Variants in PPP2R2C observed in about 807,000 individuals in gnomAD.
The protein encoded by PPP2R2C is protein phosphatase 2 regulatory subunit Bgamma, also known as protein phosphatase 2, regulatory subunit B, gamma.
In PPP2R2C, 10 loss-of-function variants were observed where a neutral mutation model predicts 45.3. The ratio of observed to expected loss-of-function variants is 0.22; its 90% CI spans 0.14 to 0.37. The LOEUF (loss-of-function observed/expected upper bound fraction) is 0.37. PPP2R2C is among the 10% of genes least tolerant of loss of function. The pLI is 1.00. For missense variants in PPP2R2C, 308 were observed against 619.7 expected, an observed-to-expected ratio of 0.50 and a Z score of 5.34; for synonymous variants, 257 against 245.4, an observed-to-expected ratio of 1.05 and a Z score of -0.44.
chr4:6,411,402 G>A (rs1182162880), intron 1 of PPP2R2C, among the ~76,000 whole-genome samples: 1 of 152,118 alleles, frequency 6.6e-6, no homozygotes, highest in African/African-American at 2.4e-5. Context: ...CACACAGCAG[G>A]AGCAGCAGGA....
intron 1 of PPP2R2C, among the ~76,000 whole-genome samples, chr4:6,448,055 G>A (rs548136418): frequency 4.6e-5 from 7 of 152,114 alleles, no homozygotes; most frequent in East Asian, 1.9e-4. Flanking sequence ...CACTACGACC[G>A]GGGGATGCAC....
intron 5 of PPP2R2C, among the ~76,000 whole-genome samples, chr4:6,367,134 C>A (rs1162052950): frequency 6.6e-6 from 1 of 152,026 alleles, no homozygotes; most frequent in Non-Finnish European, 1.5e-5. Flanking sequence ...CTCAGTATCA[C>A]CAGGCTCCCT....
At chr4:6,492,660 C>T (rs1231300796) in intron 2 of PPP2R2C, among the ~76,000 whole-genome samples, 4 of 152,202 alleles carry the variant, frequency 2.6e-5, no homozygotes, top group Non-Finnish European at 4.4e-5. Context: ...AGCAGGGACT[C>T]GAATGATGTG....
chr4:6,370,930 C>A (rs1264924773), intron 5 of PPP2R2C, among the ~76,000 whole-genome samples: 8 of 152,218 alleles, frequency 5.3e-5, no homozygotes, highest in Admixed American at 5.2e-4. Context: ...AGGTCCCAAT[C>A]CTTCCTGGAA....
In PPP2R2C at chr4:6,437,814, T is replaced by C. The variant is rs112631001; in HGVS notation, c.70+34346A>G. Among the ~76,000 whole-genome samples the C allele has an allele frequency of 5.3e-5, 8 of 152,352 alleles. 1 individual carries two copies. Among genetic ancestry groups the C allele is most frequent in the African/African-American group, 1.9e-4 (8 of 41,568 alleles). On this transcript the variant is annotated intron_variant, in intron 1 of 8. Transcript: ENST00000382599. ...CCACTGTGTGTTCTTTCAGACCTAA[T>C]CTCATTCAATCCTCAACACCCCTGT... is the stretch of plus-strand genomic sequence containing the variant.
intron 1 of PPP2R2C, among the ~76,000 whole-genome samples, chr4:6,386,001 T>C (rs1304262115): frequency 1.3e-5 from 2 of 152,174 alleles, no homozygotes; most frequent in African/African-American, 4.8e-5. Flanking sequence ...CCACATTAAC[T>C]CACATTTCTT....
intron 1 of PPP2R2C, chr4:6,381,524 A>G (rs778004279): frequency 7.2e-7 from 1 of 1,392,720 alleles, no homozygotes; most frequent in Non-Finnish European, 9.3e-7. Flanking sequence ...ATCTCCATAG[A>G]TAAGCGCAAG....
chr4:6,486,362 C>A (rs1320919630), intron 2 of PPP2R2C, among the ~76,000 whole-genome samples: 1 of 151,990 alleles, frequency 6.6e-6, no homozygotes, highest in African/African-American at 2.4e-5. Context: ...TGTTGGGTAG[C>A]ATGTTCTACA....
intron 6 of PPP2R2C, among the ~76,000 whole-genome samples, chr4:6,337,110 G>GTATATATATA (rs1207923428): frequency 8.0e-4 from 33 of 41,454 alleles, no homozygotes; most frequent in Non-Finnish European, 1.1e-3. Context: ...GTATGTGTGT[G>GTATATATATA]TGTATATATA....
chr4:6,371,896 C>T (rs1714856526), intron 5 of PPP2R2C, among the ~76,000 whole-genome samples: 1 of 152,218 alleles, frequency 6.6e-6, no homozygotes, highest in East Asian at 1.9e-4. Context: ...CGCCCACCAG[C>T]CCCCCGGCAG....
At chr4:6,353,255 C>T (rs1031069063) in intron 5 of PPP2R2C, among the ~76,000 whole-genome samples, 1 of 150,920 alleles carries the variant, frequency 6.6e-6, no homozygotes, top group Non-Finnish European at 1.5e-5. Context: ...GGGCAGCCAC[C>T]GACAGCCCCC....
At chr4:6,554,851 C>T (rs1371991947) in intron 1 of PPP2R2C, among the ~76,000 whole-genome samples, 1 of 121,724 alleles carries the variant, frequency 8.2e-6, no homozygotes, top group Non-Finnish European at 1.6e-5. Flanking sequence ...CAGAGTGAGA[C>T]TCCATCTCAA....
intron 1 of PPP2R2C, chr4:6,383,315 G>A (rs1380624840): frequency 7.8e-7 from 1 of 1,282,236 alleles, no homozygotes; most frequent in Admixed American, 2.3e-5. Flanking sequence ...GCCAAGCCCA[G>A]ACCACAGAAT....
intron 6 of PPP2R2C, among the ~76,000 whole-genome samples, chr4:6,335,800 G>A (rs961043534): frequency 2.6e-5 from 4 of 152,126 alleles, no homozygotes; most frequent in Non-Finnish European, 5.9e-5. Flanking sequence ...CCACGTTTAT[G>A]TTCATGCCTC....
rs201330999 is a variant in PPP2R2C, at chr4:6,321,645, T to TAA, written c.*1655_*1656dup. 1 of 141,618 alleles carries TAA rather than the reference T, an allele frequency of 7.1e-6. No homozygotes were observed. The highest frequency in any genetic ancestry group is 2.6e-5 in the African/African-American group (1 of 37,950). 8.8% of individuals were successfully genotyped at this position (141,618 alleles called of 1,614,324 possible). On this transcript the variant is annotated 3_prime_UTR_variant, in exon 9 of 9. Transcript: ENST00000382599. ...GTTTCCTGGGTTATGTTATATCTTG[T>TAA]AAAAAACAAAACAAAACAAAACCAA...
At chr4:6,410,374 C>T (rs1217371029) in intron 1 of PPP2R2C, among the ~76,000 whole-genome samples, 4 of 152,270 alleles carry the variant, frequency 2.6e-5, no homozygotes, top group East Asian at 1.9e-4. Flanking sequence ...ACTCTCGACC[C>T]CTGACTCGGG....
chr4:6,512,237 TGGG>T (rs1560595151), intron 2 of PPP2R2C, among the ~76,000 whole-genome samples: 2 of 92,740 alleles, frequency 2.2e-5, no homozygotes, highest in Non-Finnish European at 2.3e-5. Context: ...GTGGTGATGG[TGGG>T]GGTGGTGGTG....
At chr4:6,545,645 A>G (rs1724954982) in intron 1 of PPP2R2C, among the ~76,000 whole-genome samples, 1 of 152,204 alleles carries the variant, frequency 6.6e-6, no homozygotes, top group African/African-American at 2.4e-5. Context: ...CCTCTCTGAC[A>G]TCAGTTTCTC....
intron 2 of PPP2R2C, among the ~76,000 whole-genome samples, chr4:6,379,631 G>A (rs1473551690): frequency 1.3e-5 from 2 of 152,240 alleles, no homozygotes; most frequent in Non-Finnish European, 2.9e-5. Context: ...AGAAGGCTGA[G>A]CTTCGCAGTG....
Sources: allele counts gnomAD v4.1 joint callset (sites outside exome capture counted in the v4.1 genomes callset), GRCh38; gene constraint gnomAD v4.1.1; transcripts MANE v1.5; gene names NCBI Gene and HGNC (gene_info 2026-07-23, HGNC 2026-07-21).